The following CHIC1 variants were observed in gnomAD, a reference collection of about 807,000 sequenced individuals.
The protein encoded by CHIC1 is cysteine rich hydrophobic domain 1.
In CHIC1, 7 loss-of-function variants were observed where a neutral mutation model predicts 18.5. That is an observed-to-expected ratio of 0.38 (90% CI 0.22 to 0.71). CHIC1 has a LOEUF of 0.71. Ranked by LOEUF, CHIC1 falls within the 30% of genes least tolerant of loss-of-function variation. The probability of loss-of-function intolerance (pLI) is 0.49; values close to 1 mark genes in which losing one functional copy is unlikely to be tolerated. For synonymous variants in CHIC1, 77 were observed against 73.5 expected (o/e 1.05, Z -0.25); for missense variants, 159 against 176.9 (o/e 0.90, Z 0.57).
In CHIC1 at chrX:73,665,295, G is replaced by C. The variant is rs930002813; in HGVS notation, c.508-14031G>C. Among the ~76,000 whole-genome samples the C allele has an allele frequency of 1.7e-4, 19 of 110,958 alleles. No individual in the cohort carries two copies. The Admixed American group carries it at 1.8e-3, about 11-fold the overall frequency. On this transcript the variant is annotated intron_variant, in intron 3 of 5. Transcript: ENST00000373502. The stretch of plus-strand genomic sequence containing the variant: ...CCCCTTTTAGGCTCTTCTGTGTATA[G>C]TGGGACCAAAGCAGCCCTTACTAAA...
At chrX:73,642,737 A>C (rs749143570) in intron 3 of CHIC1, among the ~76,000 whole-genome samples, 102 of 110,748 alleles carry the variant, frequency 9.2e-4, no homozygotes, top group African/African-American at 2.6e-3. Flanking sequence ...CTTTCTACAT[A>C]TGGCTAGCCA....
chrX:73,659,837 TG>T (rs780144797), intron 3 of CHIC1, among the ~76,000 whole-genome samples: 1 of 111,478 alleles, frequency 9.0e-6, no homozygotes, highest in Admixed American at 9.5e-5. Context: ...TAAAGTGTCT[TG>T]GGGTGGCATG....
intron 3 of CHIC1, among the ~76,000 whole-genome samples, chrX:73,666,775 A>C (rs1422978721): frequency 8.9e-6 from 1 of 112,212 alleles, no homozygotes; most frequent in Non-Finnish European, 1.9e-5. Flanking sequence ...ACTTCCAATT[A>C]TGTGATCAAT....
chrX:73,680,045 A>C (rs1056961424), intron 5 of CHIC1, among the ~76,000 whole-genome samples: 4 of 110,486 alleles, frequency 3.6e-5, no homozygotes, highest in African/African-American at 9.8e-5. Flanking sequence ...TAATCTTGTC[A>C]AAACTTGCAT....
At chrX:73,584,207 T>C in intron 2 of CHIC1, among the ~76,000 whole-genome samples, 1 of 111,032 alleles carries the variant, frequency 9.0e-6, no homozygotes, top group East Asian at 2.8e-4. Context: ...AGAAGATTGA[T>C]TTTCAACATC....
intron 1 of CHIC1, among the ~76,000 whole-genome samples, chrX:73,575,282 G>A (rs2057491638): frequency 9.1e-6 from 1 of 109,765 alleles, no homozygotes; most frequent in African/African-American, 3.3e-5. Flanking sequence ...TTTTTTTCTG[G>A]TTGTTAGCTT....
chrX:73,596,040 T>G (rs2057606670), intron 3 of CHIC1, among the ~76,000 whole-genome samples: 1 of 112,038 alleles, frequency 8.9e-6, no homozygotes, highest in African/African-American at 3.2e-5. Context: ...CTTGCAAATT[T>G]GTTTAAGTTC....
chrX:73,645,686 C>G (rs2057885776), intron 3 of CHIC1, among the ~76,000 whole-genome samples: 1 of 111,650 alleles, frequency 9.0e-6, no homozygotes, highest in African/African-American at 3.3e-5. Flanking sequence ...TTTTTATATA[C>G]CTGTTGGCTA....
At chrX:73,594,720 A>T (rs1232659644) in intron 3 of CHIC1, among the ~76,000 whole-genome samples, 1 of 111,439 alleles carries the variant, frequency 9.0e-6, no homozygotes, top group African/African-American at 3.3e-5. Flanking sequence ...TCATTACCCC[A>T]AATAGGAACT....
At chrX:73,599,095 T>G (rs1394418610) in intron 3 of CHIC1, among the ~76,000 whole-genome samples, 8 of 109,889 alleles carry the variant, frequency 7.3e-5, no homozygotes, top group Non-Finnish European at 1.1e-4. Flanking sequence ...ATGATGAGCA[T>G]TTTTTCATGT....
intron 3 of CHIC1, among the ~76,000 whole-genome samples, chrX:73,645,908 C>T (rs997777192): frequency 9.0e-6 from 1 of 111,496 alleles, no homozygotes; most frequent in African/African-American, 3.3e-5. Context: ...TCATGCAGTC[C>T]TGTTCATTTA....
At chrX:73,639,403 G>C (rs1365228558) in intron 3 of CHIC1, among the ~76,000 whole-genome samples, 12 of 111,549 alleles carry the variant, frequency 1.1e-4, no homozygotes, top group African/African-American at 3.9e-4. Context: ...GTTCTTTCTA[G>C]ATTATGGATA....
chrX:73,685,390 A>G lies in CHIC1; in HGVS notation c.*4385A>G, dbSNP rs764060984. ...GGCAAGAATTTTAGCTGTAACAACA[A>G]TGGAAATATTGGAGGACCCACTTTG... On this transcript the variant is annotated 3_prime_UTR_variant, in exon 6 of 6. Transcript: ENST00000373502. The G allele has an allele frequency of 8.9e-6, 1 of 111,885 alleles. No homozygotes were observed. The highest frequency in any genetic ancestry group is 1.9e-5 in the Non-Finnish European group (1 of 53,055). The allele number at this position is 111,885 out of a possible 1,213,427, so 9.2% of individuals were successfully genotyped here. A position where few individuals can be genotyped will look rare whatever the true frequency, so the allele number is the denominator to read the frequency against.
At chrX:73,614,157 A>G (rs990032373) in intron 3 of CHIC1, among the ~76,000 whole-genome samples, 6 of 111,087 alleles carry the variant, frequency 5.4e-5, no homozygotes, top group Non-Finnish European at 1.1e-4. Context: ...CTTGGCTGGC[A>G]TTATTTTTTT....
intron 3 of CHIC1, among the ~76,000 whole-genome samples, chrX:73,673,824 G>T: frequency 8.9e-6 from 1 of 111,793 alleles, no homozygotes; most frequent in Middle Eastern, 4.7e-3. Flanking sequence ...CCTGTCTTCT[G>T]CCCATTTTCA....
At chrX:73,584,389 A>G (rs1230483798) in intron 2 of CHIC1, 28 bp from the exon 3 acceptor site, 10 of 1,144,417 alleles carry the variant, frequency 8.7e-6, no homozygotes, top group Non-Finnish European at 1.0e-5. Context: ...GCTGCCCACA[A>G]ACTGTTAAAG....
intron 3 of CHIC1, among the ~76,000 whole-genome samples, chrX:73,615,802 T>G (rs1237810825): frequency 2.7e-5 from 3 of 111,057 alleles, no homozygotes; most frequent in African/African-American, 9.9e-5. Flanking sequence ...CAACAGTGAT[T>G]GTACCACAGC....
chrX:73,625,934 C>T (rs1221412338), intron 3 of CHIC1, among the ~76,000 whole-genome samples: 2 of 110,528 alleles, frequency 1.8e-5, no homozygotes, highest in Middle Eastern at 8.5e-3. Flanking sequence ...GATACCCCAC[C>T]ACTTACCCAA....
At chrX:73,669,586 C>G (rs1761961091) in intron 3 of CHIC1, among the ~76,000 whole-genome samples, 1 of 108,565 alleles carries the variant, frequency 9.2e-6, no homozygotes, top group South Asian at 4.1e-4. Flanking sequence ...GGAGGATCCG[C>G]CTGGGAGGTC....
Sources: allele counts gnomAD v4.1 joint callset (sites outside exome capture counted in the v4.1 genomes callset), GRCh38; gene constraint gnomAD v4.1.1; transcripts MANE v1.5; gene names NCBI Gene and HGNC (gene_info 2026-07-23, HGNC 2026-07-21).